The following KAZN variants were observed in gnomAD, a reference collection of about 807,000 sequenced individuals.
KAZN encodes kazrin.
In KAZN, 40 loss-of-function variants were observed where a neutral mutation model predicts 87.4. That is an observed-to-expected ratio of 0.46 (90% CI 0.36 to 0.60). The LOEUF is 0.60. KAZN is among the 20% of genes least tolerant of loss of function. The probability of loss-of-function intolerance (pLI) is 0.00; values close to 1 mark genes in which losing one functional copy is unlikely to be tolerated. For missense variants in KAZN, 898 were observed against 1,073.9 expected (o/e 0.84, Z 2.29); for synonymous variants, 466 against 458.3 (o/e 1.02, Z -0.22).
chr1:13,920,881 A>G (rs1640040035), intron 1 of KAZN, among the ~76,000 whole-genome samples: 1 of 152,164 alleles, frequency 6.6e-6, no homozygotes, highest in Non-Finnish European at 1.5e-5. Context: ...GTGGTTTTCA[A>G]TCAAGGGGAA....
At chr1:14,422,085 T>A (rs1665464861) in intron 2 of KAZN, among the ~76,000 whole-genome samples, 1 of 152,212 alleles carries the variant, frequency 6.6e-6, no homozygotes, top group Non-Finnish European at 1.5e-5. Context: ...TTCTGAGAAA[T>A]TTCAGCAGCA....
At chr1:14,336,285 C>T (rs1219251377) in intron 2 of KAZN, among the ~76,000 whole-genome samples, 2 of 152,192 alleles carry the variant, frequency 1.3e-5, no homozygotes, top group Admixed American at 1.3e-4. Context: ...CATGTTGCAG[C>T]ATGTATTAGT....
chr1:14,901,197 C>G (rs905757828), intron 1 of KAZN, among the ~76,000 whole-genome samples: 1 of 152,204 alleles, frequency 6.6e-6, no homozygotes, highest in East Asian at 1.9e-4. Flanking sequence ...CCCTGGAGAG[C>G]TGGCACCTGA....
Position 14,584,189 on chromosome 1 carries a change from G to T in KAZN, c.250-14794G>T, listed in dbSNP as rs559421296. On this transcript the variant is annotated intron_variant, in intron 2 of 16. Coordinates refer to the KAZN transcript ENST00000636203. ...CAGTTCCCTGGGGTCGTGGGGCTGG[G>T]CGTATACACAAGGCCTGGTCAATCA... Among the ~76,000 whole-genome samples, 5 of 152,320 alleles carry T rather than the reference G, an allele frequency of 3.3e-5. No individual in the cohort carries two copies. In the East Asian group the frequency reaches 5.8e-4, roughly 18 times the overall value.
At chr1:14,386,102 TA>T (rs1195290172) in intron 2 of KAZN, among the ~76,000 whole-genome samples, 1 of 149,170 alleles carries the variant, frequency 6.7e-6, no homozygotes, top group Non-Finnish European at 1.5e-5. Context: ...TTTGTTGGTT[TA>T]AAGTCTGTTT....
intron 2 of KAZN, among the ~76,000 whole-genome samples, chr1:14,299,038 G>T (rs1403812199): frequency 6.6e-6 from 1 of 152,096 alleles, no homozygotes; most frequent in Admixed American, 6.5e-5. Flanking sequence ...AACCAGAATA[G>T]TTCAGTGGTT....
intron 2 of KAZN, among the ~76,000 whole-genome samples, chr1:14,561,628 G>A (rs910929774): frequency 3.3e-5 from 5 of 152,154 alleles, no homozygotes; most frequent in African/African-American, 7.2e-5. Context: ...TCTGCTGGGC[G>A]CAGTGGCTCG....
intron 2 of KAZN, among the ~76,000 whole-genome samples, chr1:14,421,833 C>T (rs1479767570): frequency 6.6e-6 from 1 of 152,168 alleles, no homozygotes; most frequent in African/African-American, 2.4e-5. Context: ...GTCCCCTCCC[C>T]TCCCCCGGCC....
chr1:14,311,172 A>G (rs1347773605), intron 2 of KAZN, among the ~76,000 whole-genome samples: 2 of 152,204 alleles, frequency 1.3e-5, no homozygotes, highest in Non-Finnish European at 2.9e-5. Flanking sequence ...CAGGAAGAAG[A>G]GAAAAGGAAT....
intron 2 of KAZN, among the ~76,000 whole-genome samples, chr1:14,420,308 T>C (rs1665301895): frequency 6.6e-6 from 1 of 152,188 alleles, no homozygotes; most frequent in Non-Finnish European, 1.5e-5. Context: ...TGCTGATTAG[T>C]GCACCCACAA....
intron 2 of KAZN, among the ~76,000 whole-genome samples, chr1:14,284,108 C>T (rs952099248): frequency 7.0e-6 from 1 of 141,874 alleles, no homozygotes; most frequent in Admixed American, 7.2e-5. Context: ...GATGGGAGAT[C>T]GGGGCTGGGG....
At chr1:14,166,073 G>A (rs12144274) in intron 1 of KAZN, among the ~76,000 whole-genome samples, 10,450 of 152,246 alleles carry the variant, frequency 0.069, 539 homozygotes, top group Non-Finnish European at 0.1. Flanking sequence ...CCAGCACTTC[G>A]GGAGGCAGAG....
intron 1 of KAZN, among the ~76,000 whole-genome samples, chr1:14,933,279 G>C (rs1291017107): frequency 6.6e-6 from 1 of 151,992 alleles, no homozygotes; most frequent in Non-Finnish European, 1.5e-5. Context: ...TTTTAGTAGA[G>C]ACAGGGTTTC....
chr1:14,695,670 T>C (rs138720850), intron 1 of KAZN, among the ~76,000 whole-genome samples: 5,776 of 151,846 alleles, frequency 0.038, 284 homozygotes, highest in African/African-American at 0.11. Flanking sequence ...CATGCCTAGC[T>C]AATTTTTGTA....
intron 3 of KAZN, 75 bp from the exon 4 acceptor site, chr1:15,043,914 C>A: frequency 7.0e-7 from 1 of 1,432,178 alleles, no homozygotes; most frequent in Non-Finnish European, 9.4e-7. Context: ...GGAGTTAGGC[C>A]CCCTCTAGGC....
Position 14,735,740 on chromosome 1 carries a change from T to C in KAZN, c.226+136517T>C, listed in dbSNP as rs1482617271. Among the ~76,000 whole-genome samples, 1 of 152,224 alleles carries C rather than the reference T, an allele frequency of 6.6e-6. No individual in the cohort carries two copies. Among genetic ancestry groups the C allele is most frequent in the East Asian group, 1.9e-4 (1 of 5,198 alleles). Reference sequence around the variant, plus strand: ...GCGGCATGCCGGGTAATAGCCACTCTTGCACGGCAAAGGAGAAATGTCCAC... The same window carrying C: ...GCGGCATGCCGGGTAATAGCCACTCCTGCACGGCAAAGGAGAAATGTCCAC... On this transcript the variant is annotated intron_variant, in intron 1 of 14. Coordinates refer to ENST00000376030, the MANE Select transcript of KAZN (RefSeq NM_201628.3). This position sits in a 1 kb window ranked among gnomAD's most constrained non-coding sequence, Gnocchi z 4.3.
At chr1:14,216,553 G>A (rs1310750761) in intron 2 of KAZN, among the ~76,000 whole-genome samples, 4 of 152,142 alleles carry the variant, frequency 2.6e-5, no homozygotes, top group African/African-American at 9.7e-5. Context: ...AGGAGAAGGT[G>A]CTGTAAAGCC....
chr1:14,962,814 T>A (rs1664037191), intron 2 of KAZN, among the ~76,000 whole-genome samples: 1 of 152,058 alleles, frequency 6.6e-6, no homozygotes, highest in South Asian at 2.1e-4. Flanking sequence ...GAGAAAAACC[T>A]CCCTTAGTGG....
At position 14,274,491 on chromosome 1, in the gene KAZN, G is replaced by A. The variant is rs527525796; in HGVS notation, c.249+93899G>A. Among the ~76,000 whole-genome samples, 8 of 152,222 alleles carry A rather than the reference G, an allele frequency of 5.3e-5. No individual in the cohort carries two copies. In the South Asian group the frequency reaches 6.2e-4, roughly 12 times the overall value. On this transcript the variant is annotated intron_variant, in intron 2 of 16. Transcript: ENST00000636203. Reference sequence around the variant, plus strand: ...CTGACTTTATACCTAAGCATCATCCGGGGAGCTTAATAAAATGCAGATGCC... The same window carrying A: ...CTGACTTTATACCTAAGCATCATCCAGGGAGCTTAATAAAATGCAGATGCC...
Sources: allele counts gnomAD v4.1 joint callset (sites outside exome capture counted in the v4.1 genomes callset), GRCh38; gene constraint gnomAD v4.1.1; non-coding constraint Gnocchi (gnomAD v3.1); transcripts MANE v1.5; gene names NCBI Gene and HGNC (gene_info 2026-07-23, HGNC 2026-07-21).